The following EYS variants were observed in gnomAD, a reference collection of about 807,000 sequenced individuals.
EYS encodes the protein EGF-like photoreceptor maintenance factor, also known as protein eyes shut homolog.
EYS carries 250 observed loss-of-function variants against 282.1 expected under a neutral mutation model. That is an observed-to-expected ratio of 0.89 (90% CI 0.80 to 0.98). The LOEUF is 0.98. EYS is among the 50% of genes least tolerant of loss of function. The probability of loss-of-function intolerance (pLI) is 0.00; values close to 1 mark genes in which losing one functional copy is unlikely to be tolerated. For missense variants in EYS, 4,016 were observed against 3,709.0 expected (o/e 1.08, Z -2.15); for synonymous variants, 1,355 against 1,282.9 (o/e 1.06, Z -1.20).
At chr6:64,614,260 T>C (rs749679916) in intron 24 of EYS, among the ~76,000 whole-genome samples, 2 of 152,142 alleles carry the variant, frequency 1.3e-5, no homozygotes, top group Non-Finnish European at 2.9e-5. Context: ...CTCTGACACC[T>C]ATGGCTGTAG....
At chr6:64,125,563 A>G (rs959680439) in intron 31 of EYS, among the ~76,000 whole-genome samples, 1 of 151,702 alleles carries the variant, frequency 6.6e-6, no homozygotes, top group African/African-American at 2.4e-5. Context: ...AGGCGGGCGG[A>G]TCGTGAGGTC....
At chr6:64,293,187 G>T (rs1462711541) in intron 30 of EYS, among the ~76,000 whole-genome samples, 1 of 151,956 alleles carries the variant, frequency 6.6e-6, no homozygotes, top group Non-Finnish European at 1.5e-5. Context: ...CACAAAACTG[G>T]TCACTTTATT....
intron 22 of EYS, among the ~76,000 whole-genome samples, chr6:64,697,671 C>T (rs1332947617): frequency 3.3e-5 from 5 of 152,218 alleles, no homozygotes; most frequent in South Asian, 2.1e-4. Flanking sequence ...AGGCCAGACA[C>T]GGTGGCTCAT....
chr6:63,984,281 C>G, intron 35 of EYS, 102 bp downstream of exon 35: 2 of 778,374 alleles, frequency 2.6e-6, no homozygotes, highest in Non-Finnish European at 2.1e-6. Context: ...GAATTCTGGA[C>G]TTGTCATTTT....
intron 22 of EYS, among the ~76,000 whole-genome samples, chr6:64,739,135 A>G (rs1422822147): frequency 6.6e-6 from 1 of 152,180 alleles, no homozygotes; most frequent in African/African-American, 2.4e-5. Context: ...AGCCTCAGAC[A>G]ATCAAATACT....
At chr6:64,835,928 T>G (rs1363228434) in intron 19 of EYS, among the ~76,000 whole-genome samples, 1 of 151,600 alleles carries the variant, frequency 6.6e-6, no homozygotes, top group Non-Finnish European at 1.5e-5. Context: ...GCAATAAAAA[T>G]AAACGATGTA....
intron 1 of EYS, among the ~76,000 whole-genome samples, chr6:65,664,053 G>C (rs1391576428): frequency 6.6e-6 from 1 of 151,684 alleles, no homozygotes; most frequent in African/African-American, 2.4e-5. Context: ...TGTATTTTTA[G>C]TGGAGACGGG....
chr6:65,640,512 C>T (rs1436602459), intron 1 of EYS, among the ~76,000 whole-genome samples: 1 of 152,078 alleles, frequency 6.6e-6, no homozygotes, highest in Admixed American at 6.6e-5. Flanking sequence ...AAATCAGCTA[C>T]TCCTCTGTCT....
rs1011978249 is a variant in EYS at position 65,576,750 on chromosome 6, C to T, written c.-333+63028G>A. On this transcript the variant is annotated intron_variant, in intron 2 of 42. Transcript: ENST00000503581. ...AGCTTCGGGATACAAAATCAACATA[C>T]AAAATTGATTAGTGTTTCCATGCAC... is the stretch of plus-strand genomic sequence containing the variant. Among the ~76,000 whole-genome samples, 4 of 151,780 alleles carry T rather than the reference C, an allele frequency of 2.6e-5. No individual in the cohort carries two copies. The East Asian group carries it at 7.8e-4, about 29-fold the overall frequency.
chr6:64,284,129 GAA>G (rs1768406811), intron 30 of EYS, among the ~76,000 whole-genome samples: 2 of 152,076 alleles, frequency 1.3e-5, no homozygotes, highest in African/African-American at 2.4e-5. Flanking sequence ...GTCCACAGTC[GAA>G]AGTCTCATCT....
intron 2 of EYS, among the ~76,000 whole-genome samples, chr6:65,518,327 C>A (rs1244249377): frequency 6.6e-6 from 1 of 152,134 alleles, no homozygotes; most frequent in East Asian, 1.9e-4. Flanking sequence ...TCACCTCCAA[C>A]TTTCCACCTT....
chr6:64,465,936 G>T (rs1232362646), intron 26 of EYS, among the ~76,000 whole-genome samples: 1 of 152,044 alleles, frequency 6.6e-6, no homozygotes, highest in African/African-American at 2.4e-5. Flanking sequence ...CTCTAAAAAT[G>T]AGTAAAGGGC....
At chr6:65,248,571 AAAT>A (rs1455228827) in intron 12 of EYS, among the ~76,000 whole-genome samples, 1 of 152,104 alleles carries the variant, frequency 6.6e-6, no homozygotes, top group Admixed American at 6.6e-5. Context: ...CTATGTAGCA[AAAT>A]AATAATGAGT....
At chr6:63,833,427 A>G (rs1184825040) in intron 36 of EYS, among the ~76,000 whole-genome samples, 1 of 152,194 alleles carries the variant, frequency 6.6e-6, no homozygotes, top group Admixed American at 6.5e-5. Context: ...CCAATAAGAA[A>G]CAGCCAAATC....
At chr6:64,026,950 G>A (rs892555957) in intron 33 of EYS, among the ~76,000 whole-genome samples, 10 of 152,162 alleles carry the variant, frequency 6.6e-5, no homozygotes, top group African/African-American at 2.4e-4. Flanking sequence ...TGTCCTACAG[G>A]GTCTAGGGCA....
intron 42 of EYS, among the ~76,000 whole-genome samples, chr6:63,724,586 T>G (rs1768540580): frequency 6.6e-6 from 1 of 152,268 alleles, no homozygotes; most frequent in South Asian, 2.1e-4. Context: ...CAAAAATCTT[T>G]TAAAGGTGTT....
chr6:65,558,119 T>G (rs1294857219), intron 2 of EYS, among the ~76,000 whole-genome samples: 1 of 152,148 alleles, frequency 6.6e-6, no homozygotes, highest in African/African-American at 2.4e-5. Flanking sequence ...ACTGGGGACC[T>G]TCTTTCCTGC....
At chr6:65,584,898 T>A (rs554916048) in intron 2 of EYS, among the ~76,000 whole-genome samples, 41 of 148,278 alleles carry the variant, frequency 2.8e-4, no homozygotes, top group African/African-American at 9.1e-4. Flanking sequence ...TTATATATAT[T>A]ATATATATAT....
chr6:65,667,011 G>C lies in EYS; in HGVS notation c.-447-27119C>G, dbSNP rs550033199. Among the ~76,000 whole-genome samples the C allele has an allele frequency of 2.0e-5, 3 of 151,484 alleles. No homozygotes were observed. The South Asian group carries it at 6.2e-4, about 32-fold the overall frequency. ...TTAAATTCCATCAATACATATGCCTGGAGATGGTAAGTTCTAGGTACTAAC... is the reference window on the plus strand; with the variant it reads ...TTAAATTCCATCAATACATATGCCTCGAGATGGTAAGTTCTAGGTACTAAC... On this transcript the variant is annotated intron_variant, in intron 1 of 42. Transcript: ENST00000503581.
Sources: allele counts gnomAD v4.1 joint callset (sites outside exome capture counted in the v4.1 genomes callset), GRCh38; gene constraint gnomAD v4.1.1; transcripts MANE v1.5; gene names NCBI Gene and HGNC (gene_info 2026-07-23, HGNC 2026-07-21).